Variants in ADGRV1 observed in about 807,000 individuals in gnomAD.
ADGRV1 encodes G-protein coupled receptor 98.
Under a neutral mutation model 596.2 loss-of-function variants are expected in ADGRV1, and 359 were observed. That is an observed-to-expected ratio of 0.60 (90% CI 0.55 to 0.66). The LOEUF is 0.66. ADGRV1 is among the 30% of genes least tolerant of loss of function. The pLI is 0.00. For missense variants in ADGRV1, 7,274 were observed against 7,575.6 expected, an observed-to-expected ratio of 0.96 and a Z score of 1.48; for synonymous variants, 2,681 against 2,679.2, an observed-to-expected ratio of 1.00 and a Z score of -0.02.
intron 47 of ADGRV1, 57 bp from the exon 48 acceptor site, chr5:90,725,492 A>G (rs1032355368): frequency 7.0e-5 from 66 of 943,784 alleles, no homozygotes; most frequent in Non-Finnish European, 1.1e-4. Flanking sequence ...TAGTGTGTTC[A>G]GTGGCTTTCT....
At chr5:90,653,078 A>G in intron 19 of ADGRV1, 131 bp from the exon 20 acceptor site, 1 of 803,450 alleles carries the variant, frequency 1.2e-6, no homozygotes, top group South Asian at 2.0e-5. Flanking sequence ...ACATGGTGAC[A>G]CTACTTTTCA....
At chr5:90,711,978 A>G (rs1257657969) in intron 41 of ADGRV1, among the ~76,000 whole-genome samples, 6 of 151,892 alleles carry the variant, frequency 4.0e-5, no homozygotes, top group African/African-American at 1.5e-4. Flanking sequence ...TTTTTAGTGT[A>G]TTTTACCATG....
At chr5:91,132,419 G>T (rs1247951113) in intron 87 of ADGRV1, among the ~76,000 whole-genome samples, 1 of 151,984 alleles carries the variant, frequency 6.6e-6, no homozygotes, top group African/African-American at 2.4e-5. Context: ...TTATTCATTC[G>T]AAGGTATTCA....
Position 90,978,022 on chromosome 5 carries a change from C to T in ADGRV1, c.17974-7322C>T, listed in dbSNP as rs577846141. On this transcript the variant is annotated intron_variant, in intron 84 of 89. Coordinates refer to ENST00000405460, the MANE Select transcript of ADGRV1 (RefSeq NM_032119.4). ...TGAATAAATATTTGTTTTGACTGGG[C>T]ACGGTAGCTCAAGCCTGTAATCCAA... Among the ~76,000 whole-genome samples the T allele has an allele frequency of 2.0e-5, 3 of 152,234 alleles. No homozygotes were observed. The South Asian group carries it at 6.2e-4, about 32-fold the overall frequency.
chr5:90,563,705 A>G (rs1204662200), intron 1 of ADGRV1, among the ~76,000 whole-genome samples: 1 of 152,236 alleles, frequency 6.6e-6, no homozygotes, highest in Non-Finnish European at 1.5e-5. Context: ...TTTTGTTGGG[A>G]ATAGGTTTAA....
chr5:90,673,081 G>A (rs922958800), intron 22 of ADGRV1, among the ~76,000 whole-genome samples: 1 of 152,134 alleles, frequency 6.6e-6, no homozygotes, highest in African/African-American at 2.4e-5. Flanking sequence ...AGGAGAAATT[G>A]TTTTTTCACT....
At chr5:90,574,416 T>C (rs1756943005) in intron 1 of ADGRV1, among the ~76,000 whole-genome samples, 1 of 152,152 alleles carries the variant, frequency 6.6e-6, no homozygotes, top group South Asian at 2.1e-4. Context: ...TTGTGGCTAT[T>C]ATAGGTGGGA....
chr5:90,573,588 A>G (rs1380752351), intron 1 of ADGRV1, among the ~76,000 whole-genome samples: 2 of 152,202 alleles, frequency 1.3e-5, no homozygotes, highest in African/African-American at 2.4e-5. Flanking sequence ...TTATAACCTT[A>G]TGGACCACCA....
intron 83 of ADGRV1, among the ~76,000 whole-genome samples, chr5:90,913,215 A>T (rs1773053704): frequency 6.6e-6 from 1 of 152,176 alleles, no homozygotes; most frequent in South Asian, 2.1e-4. Context: ...GGCAGGGTGG[A>T]ATCAGTGCTC....
Position 91,129,216 on chromosome 5 carries a change from T to C in ADGRV1, c.18433-20814T>C, listed in dbSNP as rs181790996. Among the ~76,000 whole-genome samples the C allele has an allele frequency of 2.0e-5, 3 of 152,354 alleles. No individual in the cohort carries two copies. In the East Asian group the frequency reaches 5.8e-4, roughly 29 times the overall value. On this transcript the variant is annotated intron_variant, in intron 87 of 89. Transcript: ENST00000405460. ...CATTCTTCTCTAACACATATGATTT[T>C]GATGTATGTTGCGAGAACAGCAAAA...
intron 87 of ADGRV1, among the ~76,000 whole-genome samples, chr5:91,128,221 A>G (rs1438629379): frequency 2.0e-5 from 3 of 151,774 alleles, no homozygotes; most frequent in Non-Finnish European, 4.4e-5. Context: ...GAACTCCTGC[A>G]ATATAATATT....
intron 86 of ADGRV1, among the ~76,000 whole-genome samples, chr5:91,095,321 T>G (rs1156396686): frequency 6.6e-6 from 1 of 152,104 alleles, no homozygotes; most frequent in Non-Finnish European, 1.5e-5. Flanking sequence ...TACCTCAGCC[T>G]CCTGAGTAGC....
At chr5:90,665,392 T>C (rs1771156039) in intron 21 of ADGRV1, among the ~76,000 whole-genome samples, 1 of 151,794 alleles carries the variant, frequency 6.6e-6, no homozygotes, top group South Asian at 2.1e-4. Context: ...TTTTCTAGTT[T>C]ATTTGCGTAG....
At chr5:90,736,781 T>TTGTATTTC (rs1753281074) in intron 50 of ADGRV1, among the ~76,000 whole-genome samples, 1 of 151,990 alleles carries the variant, frequency 6.6e-6, no homozygotes, top group Non-Finnish European at 1.5e-5. Context: ...TCTTGATCCT[T>TTGTATTTC]TGTATTTCTG....
intron 21 of ADGRV1, among the ~76,000 whole-genome samples, chr5:90,667,959 C>G (rs1771750305): frequency 6.6e-6 from 1 of 152,016 alleles, no homozygotes; most frequent in Admixed American, 6.5e-5. Flanking sequence ...AGGAGGCAGT[C>G]TGCCCGTTCT....
At chr5:91,038,519 G>A (rs1023359613) in intron 85 of ADGRV1, among the ~76,000 whole-genome samples, 2 of 152,172 alleles carry the variant, frequency 1.3e-5, no homozygotes, top group Non-Finnish European at 1.5e-5. Flanking sequence ...CAAAAAATAT[G>A]TTTATAAAGT....
chr5:90,854,184 G>A lies in ADGRV1; in HGVS notation c.17577G>A (p.Trp5859Ter). The A allele has an allele frequency of 6.5e-7, 1 of 1,547,918 alleles. No homozygotes were observed. Among genetic ancestry groups the A allele is most frequent in the Non-Finnish European group, 8.7e-7 (1 of 1,145,890 alleles). Reference sequence around the variant, plus strand: ...CTCAGACATCTCTGTGTCTCCTTTGGAATCAGGCTGCTGCAAGGTACTTAT... The same window carrying A: ...CTCAGACATCTCTGTGTCTCCTTTGAAATCAGGCTGCTGCAAGGTACTTAT... Reference protein sequence around the residue: ...IIPQTSLCLLWNQAAASWLSD... With the variant: ...IIPQTSLCLL Residue 5859 changes from tryptophan to a stop codon, truncating the protein, a stop_gained, in exon 81 of 90, where the codon TGG (tryptophan) becomes TGA (stop). Transcript: ENST00000405460. LOFTEE classifies it high-confidence loss of function.
intron 83 of ADGRV1, among the ~76,000 whole-genome samples, chr5:90,909,468 T>C (rs1772645489): frequency 6.6e-6 from 1 of 152,170 alleles, no homozygotes; most frequent in South Asian, 2.1e-4. Context: ...GCTGGCTTAC[T>C]GTCCAGCTGA....
chr5:90,774,844 C>T (rs865868226), intron 60 of ADGRV1, among the ~76,000 whole-genome samples: 1 of 152,062 alleles, frequency 6.6e-6, no homozygotes, highest in Non-Finnish European at 1.5e-5. Context: ...TTTTGATTAC[C>T]TATATTTTCT....
Sources: gnomAD v4.1 joint callset for allele counts (sites outside exome capture counted in the v4.1 genomes callset) on GRCh38, gnomAD v4.1.1 for gene constraint, MANE v1.5 for transcripts, NCBI Gene and HGNC (gene_info 2026-07-23, HGNC 2026-07-21) for gene names.